RABGAP1L: variants seen among roughly 807,000 people sequenced by gnomAD.
RABGAP1L encodes RAB GTPase activating protein 1 like, also known as rab GTPase-activating protein 1-like.
In RABGAP1L, 63 loss-of-function variants were observed where a neutral mutation model predicts 137.7. That is an observed-to-expected ratio of 0.46 (90% CI 0.37 to 0.56). RABGAP1L has a LOEUF of 0.56. Among genes scored for constraint, RABGAP1L ranks in the 20% least tolerant of loss-of-function variants. RABGAP1L has a pLI of 0.00. For missense variants in RABGAP1L, 1,095 were observed against 1,244.0 expected (o/e 0.88, Z 1.80); for synonymous variants, 431 against 433.7 (o/e 0.99, Z 0.08).
At chr1:174,678,651 G>A (rs1677823212) in intron 14 of RABGAP1L, among the ~76,000 whole-genome samples, 1 of 152,196 alleles carries the variant, frequency 6.6e-6, no homozygotes, top group African/African-American at 2.4e-5. Context: ...TTCCCAAGAT[G>A]GTGGCGGGCT....
chr1:174,310,716 T>C (rs548680369), intron 11 of RABGAP1L, among the ~76,000 whole-genome samples: 1 of 152,298 alleles, frequency 6.6e-6, no homozygotes, highest in African/African-American at 2.4e-5. Flanking sequence ...TTTAATTTTA[T>C]TTTTTGTGGA....
intron 13 of RABGAP1L, among the ~76,000 whole-genome samples, chr1:174,596,175 C>G (rs568360092): frequency 2.8e-5 from 4 of 141,228 alleles, no homozygotes; most frequent in African/African-American, 5.8e-5. Context: ...TGACCCCTTG[C>G]GCTTCCCAGG....
At chr1:174,217,265 A>G (rs1006371030) in intron 1 of RABGAP1L, among the ~76,000 whole-genome samples, 6 of 152,210 alleles carry the variant, frequency 3.9e-5, no homozygotes, top group African/African-American at 1.4e-4. Context: ...GTCATGTTTC[A>G]TTTAAGATAC....
chr1:174,648,405 C>T lies in RABGAP1L; in HGVS notation c.1824+10917C>T, dbSNP rs528513421. Among the ~76,000 whole-genome samples, 221 of 152,188 alleles carry T rather than the reference C, an allele frequency of 1.5e-3. 2 individuals carry two copies. The highest frequency in any genetic ancestry group is 5.1e-3 in the African/African-American group (210 of 41,504). On this transcript the variant is annotated intron_variant, in intron 14 of 25. Coordinates refer to ENST00000681986, the MANE Select transcript of RABGAP1L (RefSeq NM_001366446.1). ...TCCCAGAGATTCTGATACATTGTGT[C>T]TTTGTTCTCATTGGTTTCAAAGAAC...
At chr1:174,904,798 G>C (rs1317825635) in intron 19 of RABGAP1L, among the ~76,000 whole-genome samples, 1 of 152,000 alleles carries the variant, frequency 6.6e-6, no homozygotes, top group Non-Finnish European at 1.5e-5. Flanking sequence ...ACAGGTGGGT[G>C]CCACCATGCC....
At chr1:174,327,083 G>A (rs1180372991) in intron 11 of RABGAP1L, among the ~76,000 whole-genome samples, 2 of 152,046 alleles carry the variant, frequency 1.3e-5, no homozygotes, top group Admixed American at 1.3e-4. Context: ...CATACTGAGA[G>A]AAAAGGATGC....
chr1:174,552,978 T>C (rs1264650379), intron 13 of RABGAP1L, among the ~76,000 whole-genome samples: 3 of 152,216 alleles, frequency 2.0e-5, no homozygotes, highest in Non-Finnish European at 4.4e-5. Flanking sequence ...AATGTAATGA[T>C]CAGTGATGTT....
chr1:174,284,611 G>T (rs1675891379), intron 10 of RABGAP1L, among the ~76,000 whole-genome samples: 1 of 151,892 alleles, frequency 6.6e-6, no homozygotes, highest in South Asian at 2.1e-4. Flanking sequence ...TAGATCATGT[G>T]GTAGCTCTAT....
chr1:174,407,864 A>T (rs1369560275), intron 13 of RABGAP1L, among the ~76,000 whole-genome samples: 1 of 152,178 alleles, frequency 6.6e-6, no homozygotes, highest in African/African-American at 2.4e-5. Flanking sequence ...TGTGAGAACC[A>T]TGATCACTTT....
At chr1:174,423,812 C>G (rs915030931) in intron 13 of RABGAP1L, among the ~76,000 whole-genome samples, 1 of 152,070 alleles carries the variant, frequency 6.6e-6, no homozygotes, top group East Asian at 1.9e-4. Context: ...TTTGGAACAA[C>G]TTCTGTAGGT....
intron 13 of RABGAP1L, among the ~76,000 whole-genome samples, chr1:174,425,685 C>T (rs1002748105): frequency 2.0e-4 from 30 of 151,924 alleles, no homozygotes; most frequent in Non-Finnish European, 4.1e-4. Flanking sequence ...ATTAATGATG[C>T]GGTTTAGACA....
chr1:174,569,983 T>G (rs996762425), intron 13 of RABGAP1L, among the ~76,000 whole-genome samples: 4 of 152,252 alleles, frequency 2.6e-5, no homozygotes, highest in African/African-American at 9.6e-5. Context: ...TATCTAACTT[T>G]AAGTTAAGAA....
At chr1:174,911,437 A>C (rs1044145882) in intron 19 of RABGAP1L, among the ~76,000 whole-genome samples, 1 of 152,184 alleles carries the variant, frequency 6.6e-6, no homozygotes, top group Admixed American at 6.5e-5. Context: ...TCTAAGCTTT[A>C]TCTTTCTATG....
At chr1:174,164,756 G>A (rs1664769100) in intron 1 of RABGAP1L, among the ~76,000 whole-genome samples, 1 of 152,120 alleles carries the variant, frequency 6.6e-6, no homozygotes, top group Admixed American at 6.6e-5. Flanking sequence ...AAAATGCTGG[G>A]TTTTGACTTC....
intron 14 of RABGAP1L, among the ~76,000 whole-genome samples, chr1:174,664,644 A>G (rs913894053): frequency 1.3e-5 from 2 of 151,398 alleles, no homozygotes; most frequent in Non-Finnish European, 2.9e-5. Context: ...TCTTAGATCT[A>G]GTCTTTCCCT....
chr1:174,515,355 A>C (rs768655735), intron 13 of RABGAP1L, among the ~76,000 whole-genome samples: 5 of 152,200 alleles, frequency 3.3e-5, no homozygotes, highest in Admixed American at 6.5e-5. Context: ...GAGCTATTAC[A>C]GCTTTGAAAA....
intron 18 of RABGAP1L, among the ~76,000 whole-genome samples, chr1:174,787,260 G>A (rs771055785): frequency 3.9e-5 from 6 of 151,958 alleles, no homozygotes; most frequent in Non-Finnish European, 5.9e-5. Flanking sequence ...AAAATGAACC[G>A]GGCGTGGTGG....
At chr1:174,655,114 C>T (rs1675867419) in intron 14 of RABGAP1L, among the ~76,000 whole-genome samples, 1 of 124,546 alleles carries the variant, frequency 8.0e-6, no homozygotes, top group Admixed American at 7.3e-5. Flanking sequence ...CATAATGCCT[C>T]ATCACCCCTT....
intron 13 of RABGAP1L, among the ~76,000 whole-genome samples, chr1:174,596,902 A>C (rs538523260): frequency 6.6e-6 from 1 of 152,040 alleles, no homozygotes; most frequent in East Asian, 1.9e-4. Flanking sequence ...CAGTTTTTTT[A>C]GGTTTTTTTA....
Sources: allele counts gnomAD v4.1 joint callset (sites outside exome capture counted in the v4.1 genomes callset), GRCh38; gene constraint gnomAD v4.1.1; transcripts MANE v1.5; gene names NCBI Gene and HGNC (gene_info 2026-07-23, HGNC 2026-07-21).